The following RYR2 variants were observed in gnomAD, a reference collection of about 807,000 sequenced individuals.
RYR2 encodes cardiac muscle ryanodine receptor-calcium release channel.
Under a neutral mutation model 601.1 loss-of-function variants are expected in RYR2, and 227 were observed. The ratio of observed to expected loss-of-function variants is 0.38; its 90% CI spans 0.34 to 0.42. The LOEUF (loss-of-function observed/expected upper bound fraction) is 0.42. Among genes scored for constraint, RYR2 ranks in the 10% least tolerant of loss-of-function variants. The pLI, the probability that RYR2 is intolerant of heterozygous loss-of-function variation, is 1.00. For missense variants in RYR2, 4,646 were observed against 6,156.5 expected (o/e 0.75, Z 8.21); for synonymous variants, 2,223 against 2,175.1 (o/e 1.02, Z -0.61).
At chr1:237,431,199 A>T (rs2150098689) in intron 12 of RYR2, among the ~76,000 whole-genome samples, 1 of 152,338 alleles carries the variant, frequency 6.6e-6, no homozygotes. Flanking sequence ...TAATCACAGT[A>T]TATTTTTAAT....
chr1:237,242,362 A>G (rs184607618), intron 1 of RYR2, among the ~76,000 whole-genome samples: 2 of 152,120 alleles, frequency 1.3e-5, no homozygotes, highest in Non-Finnish European at 2.9e-5. Flanking sequence ...TAAATGCTGT[A>G]TTTAGGGGGA....
intron 63 of RYR2, among the ~76,000 whole-genome samples, chr1:237,688,826 C>T (rs1686677860): frequency 6.6e-6 from 1 of 152,138 alleles, no homozygotes; most frequent in Admixed American, 6.5e-5. Flanking sequence ...TGCCCTTTTG[C>T]GGTCTTATTA....
At chr1:237,831,662 T>C (rs576704097) in intron 104 of RYR2, 97 bp downstream of exon 104, 9 of 696,654 alleles carry the variant, frequency 1.3e-5, no homozygotes, top group Admixed American at 5.6e-5. Context: ...GGCACGGAAT[T>C]ACTTTCAGAT....
At chr1:237,705,753 AG>A in intron 67 of RYR2, among the ~76,000 whole-genome samples, 1 of 152,304 alleles carries the variant, frequency 6.6e-6, no homozygotes, top group Admixed American at 6.5e-5. Flanking sequence ...TAGGCTGGAG[AG>A]AAAAAGAGAA....
At chr1:237,221,932 T>G (rs1683838927) in intron 1 of RYR2, among the ~76,000 whole-genome samples, 1 of 152,196 alleles carries the variant, frequency 6.6e-6, no homozygotes, top group African/African-American at 2.4e-5. Context: ...GTCCTATTTT[T>G]TTTTAAGACA....
intron 1 of RYR2, among the ~76,000 whole-genome samples, chr1:237,153,225 T>G (rs979739820): frequency 2.0e-5 from 3 of 152,052 alleles, no homozygotes; most frequent in Non-Finnish European, 4.4e-5. Flanking sequence ...GCGGTGAAGA[T>G]TTTGAGATTT....
At chr1:237,798,818 C>CAGAT (rs1659602399) in intron 97 of RYR2, among the ~76,000 whole-genome samples, 1 of 144,522 alleles carries the variant, frequency 6.9e-6, no homozygotes, top group Non-Finnish European at 1.5e-5. Context: ...TGTGAGTGTA[C>CAGAT]AGATATATAC....
intron 34 of RYR2, among the ~76,000 whole-genome samples, chr1:237,601,201 T>C (rs1263252461): frequency 1.3e-5 from 2 of 152,082 alleles, no homozygotes; most frequent in African/African-American, 4.8e-5. Flanking sequence ...ATCAATGGAT[T>C]AGTAAGTGAA....
In RYR2 at chr1:237,138,774, C is replaced by T. The variant is rs186975740; in HGVS notation, c.48+96205C>T. ...TAAAAGTATGTAATAGTTGAATGTGCCAAAGCCAATAAGCACATGAGAAGA... is the reference window on the plus strand; with the variant it reads ...TAAAAGTATGTAATAGTTGAATGTGTCAAAGCCAATAAGCACATGAGAAGA... On this transcript the variant is annotated intron_variant, in intron 1 of 104. Transcript: ENST00000366574. Among the ~76,000 whole-genome samples, 446 of 152,204 alleles carry T rather than the reference C, an allele frequency of 2.9e-3. 1 individual carries two copies. Among genetic ancestry groups the T allele is most frequent in the Non-Finnish European group, 3.7e-3 (251 of 68,014 alleles).
chr1:237,488,892 G>A (rs1017393164), intron 17 of RYR2, among the ~76,000 whole-genome samples: 2 of 152,104 alleles, frequency 1.3e-5, no homozygotes, highest in Non-Finnish European at 2.9e-5. Flanking sequence ...TCTCACGGAC[G>A]CGCGTGACAA....
At chr1:237,207,878 T>A (rs1390811398) in intron 1 of RYR2, among the ~76,000 whole-genome samples, 1 of 152,260 alleles carries the variant, frequency 6.6e-6, no homozygotes, top group East Asian at 1.9e-4. Context: ...AAACTGCAAT[T>A]ACGTTTGTAT....
chr1:237,685,663 C>A (rs1402566486), intron 62 of RYR2, among the ~76,000 whole-genome samples: 1 of 152,276 alleles, frequency 6.6e-6, no homozygotes, highest in South Asian at 2.1e-4. Context: ...AAAAGGCAGA[C>A]CCTGTCTGAG....
chr1:237,504,574 G>T (rs1262511141), intron 22 of RYR2, among the ~76,000 whole-genome samples: 1 of 152,184 alleles, frequency 6.6e-6, no homozygotes. Context: ...CGAAGGCTTG[G>T]CTTGGGCTCA....
intron 1 of RYR2, among the ~76,000 whole-genome samples, chr1:237,201,293 CTAT>C (rs1393978735): frequency 6.6e-6 from 1 of 152,194 alleles, no homozygotes; most frequent in Non-Finnish European, 1.5e-5. Context: ...ACTGCCCTCA[CTAT>C]TATTCAAGGT....
At chr1:237,165,164 C>T (rs559322009) in intron 1 of RYR2, among the ~76,000 whole-genome samples, 43 of 151,752 alleles carry the variant, frequency 2.8e-4, no homozygotes, top group Non-Finnish European at 1.0e-4. Context: ...CACTATGTTG[C>T]CCAGGCTTGC....
At chr1:237,408,713 A>G (rs1305836099) in intron 10 of RYR2, among the ~76,000 whole-genome samples, 4 of 152,120 alleles carry the variant, frequency 2.6e-5, no homozygotes, top group Non-Finnish European at 5.9e-5. Flanking sequence ...ATATCTACAA[A>G]ATAACTTGCT....
intron 74 of RYR2, among the ~76,000 whole-genome samples, chr1:237,725,092 C>T (rs1347108812): frequency 2.0e-5 from 3 of 152,004 alleles, no homozygotes; most frequent in Non-Finnish European, 2.9e-5. Context: ...TGGGATGATA[C>T]GGAGCTGTTA....
chr1:237,231,715 G>A (rs1167753459), intron 1 of RYR2, among the ~76,000 whole-genome samples: 1 of 152,172 alleles, frequency 6.6e-6, no homozygotes, highest in South Asian at 2.1e-4. Context: ...TCCCCAGCCA[G>A]GCAGTCTGGG....
rs766039441 is a variant in RYR2 at position 237,065,269 on chromosome 1, C to CTTTTTTTTTTTTTTTTTTT, written c.48+22709_48+22727dup. On this transcript the variant is annotated intron_variant, in intron 1 of 104. Coordinates refer to ENST00000366574, the MANE Select transcript of RYR2 (RefSeq NM_001035.3). ...CCTCAAAGAGCTCTTGTGTGCTATC[C>CTTTTTTTTTTTTTTTTTTT]TTTTTTTTTTTTTTTTTTTTTTTTT... 1.2e-4 allele frequency among the ~76,000 whole-genome samples: 9 copies of CTTTTTTTTTTTTTTTTTTT among 77,506 alleles called. 2 individuals are homozygous for CTTTTTTTTTTTTTTTTTTT. The highest frequency in any genetic ancestry group is 4.7e-4 in the African/African-American group (9 of 19,190). The allele number at this position is 77,506 out of a possible 152,430, so 50.8% of individuals were successfully genotyped here. A position where few individuals can be genotyped will look rare whatever the true frequency, so the allele number is the denominator to read the frequency against.
Sources: gnomAD v4.1 joint callset for allele counts (sites outside exome capture counted in the v4.1 genomes callset) on GRCh38, gnomAD v4.1.1 for gene constraint, MANE v1.5 for transcripts, NCBI Gene and HGNC (gene_info 2026-07-23, HGNC 2026-07-21) for gene names.